Variants in CEP350 observed in about 807,000 individuals in gnomAD.
CEP350 encodes the protein centrosomal protein 350.
A neutral mutation model predicts 331.8 loss-of-function variants in CEP350; 126 were observed. That is an observed-to-expected ratio of 0.38 (90% confidence interval 0.33 to 0.44). The LOEUF is 0.44. Among genes scored for constraint, CEP350 ranks in the 20% least tolerant of loss-of-function variants. The pLI is 1.00. For missense variants in CEP350, 3,406 were observed against 3,634.6 expected (o/e 0.94, Z 1.62); for synonymous variants, 1,200 against 1,259.5 (o/e 0.95, Z 1.00).
chr1:180,037,864 T>A (rs949392000), intron 17 of CEP350, among the ~76,000 whole-genome samples: 3 of 152,102 alleles, frequency 2.0e-5, no homozygotes, highest in Admixed American at 2.0e-4. Context: ...TTAGCCAGGA[T>A]GGTCTCAATC....
chr1:180,041,295 A>G (rs1422675763), intron 18 of CEP350, 47 bp downstream of exon 18: 1 of 1,334,700 alleles, frequency 7.5e-7, no homozygotes, highest in East Asian at 2.5e-5. Context: ...CTAAATTTGT[A>G]TCTTAGAAAT....
At position 180,054,442 on chromosome 1, in the gene CEP350, T is replaced by C. The variant is rs199961080; in HGVS notation, c.5202T>C (p.Asp1734=). 5.8e-5 allele frequency: 92 copies of C among 1,599,128 alleles called. No homozygotes were observed. In the Middle Eastern group the frequency reaches 6.6e-4, roughly 11 times the overall value. The change falls in exon 25 of 38, where the codon GAT becomes GAC. Residue 1734 remains aspartate (D), a synonymous_variant. Coordinates refer to ENST00000367607, the MANE Select transcript of CEP350 (RefSeq NM_014810.5). ...ATCTACGAGACAAAGGAGAGGATGA[T>C]AAAATGCCCCCGCTCCGGAAGAAAC... is the stretch of plus-strand genomic sequence containing the variant. ...KKHLRDKGED[D]KMPPLRKKQR... is the part of the protein sequence containing the mutation.
chr1:180,059,128 C>G (rs1464900325), intron 25 of CEP350, among the ~76,000 whole-genome samples: 1 of 152,086 alleles, frequency 6.6e-6, no homozygotes, highest in Non-Finnish European at 1.5e-5. Flanking sequence ...CTTTTTTCTT[C>G]TAGGCTTGAA....
chr1:180,034,701 T>G (rs1656239596), intron 16 of CEP350, among the ~76,000 whole-genome samples: 1 of 152,170 alleles, frequency 6.6e-6, no homozygotes, highest in Non-Finnish European at 1.5e-5. Flanking sequence ...ACCAACCATG[T>G]CCGTTTAAGA....
At chr1:180,037,686 G>A (rs547523949) in intron 17 of CEP350, among the ~76,000 whole-genome samples, 4 of 152,018 alleles carry the variant, frequency 2.6e-5, no homozygotes, top group Non-Finnish European at 5.9e-5. Context: ...GAGTCTCACC[G>A]TTGCCCAGGC....
chr1:180,029,653 A>G (rs1002324862), intron 14 of CEP350, among the ~76,000 whole-genome samples: 8 of 152,140 alleles, frequency 5.3e-5, no homozygotes, highest in Non-Finnish European at 1.2e-4. Flanking sequence ...GGCAACCACC[A>G]TTCTAACTTT....
chr1:180,021,223 A>G (rs554589006), intron 12 of CEP350, among the ~76,000 whole-genome samples: 1 of 152,234 alleles, frequency 6.6e-6, no homozygotes, highest in East Asian at 1.9e-4. Flanking sequence ...AATTGTTATT[A>G]TCATAAAATA....
intron 27 of CEP350, among the ~76,000 whole-genome samples, chr1:180,068,672 T>G (rs1466110169): frequency 1.3e-5 from 2 of 152,200 alleles, no homozygotes; most frequent in Non-Finnish European, 2.9e-5. Context: ...ACACTGCATT[T>G]TTTCTTTCAT....
intron 32 of CEP350, among the ~76,000 whole-genome samples, chr1:180,088,462 A>G (rs902028060): frequency 3.9e-5 from 6 of 152,088 alleles, no homozygotes; most frequent in Admixed American, 1.3e-4. Flanking sequence ...GAAGCTGAAC[A>G]TAATAGGTTA....
intron 27 of CEP350, among the ~76,000 whole-genome samples, chr1:180,070,388 A>G (rs1558139522): frequency 2.0e-5 from 3 of 152,180 alleles, no homozygotes; most frequent in Non-Finnish European, 4.4e-5. Context: ...GGTGGGCAAC[A>G]AAAGGTCTCA....
chr1:179,986,690 G>A (rs910214551), intron 2 of CEP350, among the ~76,000 whole-genome samples: 1 of 152,152 alleles, frequency 6.6e-6, no homozygotes, highest in Admixed American at 6.6e-5. Flanking sequence ...TTAGGTTTGT[G>A]AGAGATCTGG....
At chr1:180,054,063 GCAGT>G (rs1425776844) in intron 24 of CEP350, 129 bp downstream of exon 24, 6 of 682,996 alleles carry the variant, frequency 8.8e-6, no homozygotes, top group Non-Finnish European at 1.4e-5. Context: ...AGAAATAACG[GCAGT>G]CATACTTGAT....
intron 6 of CEP350, among the ~76,000 whole-genome samples, chr1:179,999,406 A>G (rs1449720428): frequency 6.6e-6 from 1 of 152,052 alleles, no homozygotes; most frequent in Non-Finnish European, 1.5e-5. Flanking sequence ...TGGAGGGGTT[A>G]CTTTGAAAAA....
chr1:180,000,399 A>G (rs1653784505), intron 6 of CEP350: 1 of 150,898 alleles, frequency 6.6e-6, no homozygotes, highest in African/African-American at 2.5e-5. Flanking sequence ...ATCTGCAGTT[A>G]TCACAGATAA....
chr1:180,080,120 T>C (rs1558146231), intron 29 of CEP350, among the ~76,000 whole-genome samples: 1 of 152,180 alleles, frequency 6.6e-6, no homozygotes, highest in Non-Finnish European at 1.5e-5. Flanking sequence ...GCAAACTTCT[T>C]ACGCTCTGTT....
chr1:179,997,269 A>C, intron 6 of CEP350, 94 bp downstream of exon 6: 1 of 1,410,628 alleles, frequency 7.1e-7, no homozygotes, highest in Admixed American at 2.2e-5. Context: ...CCTTTAGAAC[A>C]GGATGTTATT....
At chr1:180,073,905 T>C (rs879863507) in intron 27 of CEP350, 1 of 1,304,742 alleles carries the variant, frequency 7.7e-7, no homozygotes, top group Non-Finnish European at 1.0e-6. Flanking sequence ...AACCAGTTGG[T>C]CAGGTAACTT....
In CEP350 at chr1:180,004,873, G is replaced by GGCTGGCTTGCTT. The variant is rs1265597009; in HGVS notation, c.1133-1578_1133-1577insGGCTTGCTTGCT. On this transcript the variant is annotated intron_variant, in intron 7 of 37. Coordinates refer to ENST00000367607, the MANE Select transcript of CEP350 (RefSeq NM_014810.5). ...CAGAGCTTGGGCAGGCAGGCTGGCT[G>GGCTGGCTTGCTT]GCTTGCTTGCTTGCTTGCTTGCTTG... Among the ~76,000 whole-genome samples, 132 of 100,588 alleles carry GGCTGGCTTGCTT rather than the reference G, an allele frequency of 1.3e-3. 2 individuals are homozygous for GGCTGGCTTGCTT. The highest frequency in any genetic ancestry group is 3.7e-3 in the African/African-American group (106 of 28,346). 66.0% of individuals were successfully genotyped at this position (100,588 alleles called of 152,430 possible).
At chr1:180,061,989 A>G (rs946888297) in intron 25 of CEP350, among the ~76,000 whole-genome samples, 5 of 152,170 alleles carry the variant, frequency 3.3e-5, no homozygotes, top group African/African-American at 1.2e-4. Flanking sequence ...GAAATTATCA[A>G]TCTAATTATA....
Sources: allele counts gnomAD v4.1 joint callset (sites outside exome capture counted in the v4.1 genomes callset), GRCh38; gene constraint gnomAD v4.1.1; transcripts MANE v1.5; gene names NCBI Gene and HGNC (gene_info 2026-07-23, HGNC 2026-07-21).